The following TMCC1 variants were observed in gnomAD, a reference collection of about 807,000 sequenced individuals.
TMCC1 encodes the protein transmembrane and coiled-coil domain family 1.
In TMCC1, 15 loss-of-function variants were observed where a neutral mutation model predicts 52.4. That is an observed-to-expected ratio of 0.29 (90% CI 0.19 to 0.44). TMCC1 has a LOEUF of 0.44. TMCC1 is among the 20% of genes least tolerant of loss of function. The pLI is 1.00. For synonymous variants in TMCC1, 279 were observed against 301.9 expected, an observed-to-expected ratio of 0.92 and a Z score of 0.79; for missense variants, 503 against 806.0, an observed-to-expected ratio of 0.62 and a Z score of 4.55.
chr3:129,749,913 G>A (rs1022448690), intron 4 of TMCC1, among the ~76,000 whole-genome samples: 1 of 151,960 alleles, frequency 6.6e-6, no homozygotes, highest in Non-Finnish European at 1.5e-5. Flanking sequence ...TACCTACTGG[G>A]CTCCTGTTTT....
intron 4 of TMCC1, among the ~76,000 whole-genome samples, chr3:129,814,079 T>C (rs771437206): frequency 1.8e-4 from 28 of 151,950 alleles, no homozygotes; most frequent in African/African-American, 3.6e-4. Flanking sequence ...AGTTGAGTTA[T>C]AGGCTTGCAT....
intron 2 of TMCC1, among the ~76,000 whole-genome samples, chr3:129,870,976 T>A (rs1254020987): frequency 6.6e-6 from 1 of 152,060 alleles, no homozygotes; most frequent in African/African-American, 2.4e-5. Flanking sequence ...GTTAGCTTTT[T>A]TTTTAACAGC....
At chr3:129,721,587 G>A (rs2049588542) in intron 4 of TMCC1, among the ~76,000 whole-genome samples, 1 of 151,592 alleles carries the variant, frequency 6.6e-6, no homozygotes. Context: ...CAGGCCGGGT[G>A]TAGTGGCTCA....
intron 1 of TMCC1, among the ~76,000 whole-genome samples, chr3:129,889,207 G>A (rs2061854567): frequency 6.6e-6 from 1 of 152,140 alleles, no homozygotes; most frequent in Admixed American, 6.6e-5. Flanking sequence ...AGAGTGTTGA[G>A]GCTGCAGTGA....
Position 129,670,604 on chromosome 3 carries a change from A to G in TMCC1, c.1237T>C (p.Ser413Pro). The G allele has an allele frequency of 6.2e-7, 1 of 1,614,200 alleles. No individual in the cohort carries two copies. Among genetic ancestry groups the G allele is most frequent in the East Asian group, 2.2e-5 (1 of 44,880 alleles). Residue 413 changes from serine to proline, a missense_variant, in exon 5 of 7, where the codon TCT (serine) becomes CCT (proline). This residue lies in a region of TMCC1 where 38 missense variants were observed against 29.8 expected (regional missense o/e 1.28). Transcript: ENST00000393238. Reference sequence around the variant, plus strand: ...TCTTCACTACCATATTTTGGGCTAGACTGAAAGTTTGAAATCACTCCCAAA... The same window carrying G: ...TCTTCACTACCATATTTTGGGCTAGGCTGAAAGTTTGAAATCACTCCCAAA... ...KALGVISNFQSSPKYGSEEDC... is the reference protein window; with the variant it reads ...KALGVISNFQPSPKYGSEEDC...
At chr3:129,815,295 A>C (rs577076949) in intron 4 of TMCC1, among the ~76,000 whole-genome samples, 4 of 152,326 alleles carry the variant, frequency 2.6e-5, no homozygotes, top group Non-Finnish European at 5.9e-5. Context: ...TGAATAGCCA[A>C]AGCAATCCTG....
At chr3:129,818,449 TTAAAGAAA>T (rs2058226778) in intron 4 of TMCC1, among the ~76,000 whole-genome samples, 1 of 142,586 alleles carries the variant, frequency 7.0e-6, no homozygotes, top group African/African-American at 2.6e-5. Context: ...AAGAAAAGTT[TTAAAGAAA>T]CTTTTAAAGA....
chr3:129,671,078 G>A lies in TMCC1; in HGVS notation c.763C>T (p.Arg255Trp). The change falls in exon 5 of 7, where the codon CGG (arginine) becomes TGG (tryptophan). Residue 255 changes from arginine to tryptophan, a missense_variant. By Grantham distance (101) the Arg-to-Trp change is moderately radical (BLOSUM62 -3). Around this residue, in one of 7 missense-constraint regions of TMCC1, gnomAD observed 73 missense variants for 182.9 expected, o/e 0.40. Transcript: ENST00000393238. ...TEQIKIAQTA[R>W]DDNVAEYLKL... is the part of the protein sequence containing the mutation. ...AAGTATTCAGCAACGTTGTCGTCCC[G>A]GGCTGTTTGTGCAATCTTGATTTGT... The A allele has an allele frequency of 6.2e-7, 1 of 1,614,122 alleles. No homozygotes were observed. Among genetic ancestry groups the A allele is most frequent in the Non-Finnish European group, 8.5e-7 (1 of 1,180,036 alleles).
At chr3:129,840,060 G>A (rs1395327475) in intron 2 of TMCC1, among the ~76,000 whole-genome samples, 1 of 150,940 alleles carries the variant, frequency 6.6e-6, no homozygotes, top group African/African-American at 2.4e-5. Context: ...GGGTGTAATG[G>A]CTCACACCTG....
chr3:129,662,988 C>A (rs1270690382), intron 5 of TMCC1, among the ~76,000 whole-genome samples: 1 of 152,130 alleles, frequency 6.6e-6, no homozygotes, highest in Non-Finnish European at 1.5e-5. Flanking sequence ...GGAAGCAAAA[C>A]CTGTTCTATC....
At chr3:129,866,470 C>T (rs1183418060) in intron 2 of TMCC1, among the ~76,000 whole-genome samples, 9 of 149,442 alleles carry the variant, frequency 6.0e-5, no homozygotes, top group African/African-American at 2.0e-4. Flanking sequence ...CTCTGCCTCC[C>T]GGGTTCAAGC....
At chr3:129,838,426 GA>G (rs1292861601) in intron 2 of TMCC1, among the ~76,000 whole-genome samples, 1 of 151,052 alleles carries the variant, frequency 6.6e-6, no homozygotes, top group African/African-American at 2.4e-5. Flanking sequence ...AAAAGAAAAA[GA>G]AAAAAAGAAA....
chr3:129,817,166 A>G (rs1196687946), intron 4 of TMCC1, among the ~76,000 whole-genome samples: 2 of 152,238 alleles, frequency 1.3e-5, no homozygotes, highest in Non-Finnish European at 2.9e-5. Flanking sequence ...TATCAATTTT[A>G]AAAGATAAAA....
intron 4 of TMCC1, among the ~76,000 whole-genome samples, chr3:129,680,698 C>T (rs980245159): frequency 2.0e-5 from 3 of 151,984 alleles, no homozygotes; most frequent in Admixed American, 2.0e-4. Flanking sequence ...GTCAGGAGTT[C>T]GAGACCAGCC....
In TMCC1 at chr3:129,761,699, G is replaced by T. The variant is rs559289148; in HGVS notation, c.576+66104C>A. Among the ~76,000 whole-genome samples, 4 of 152,178 alleles carry T rather than the reference G, an allele frequency of 2.6e-5. No individual in the cohort carries two copies. In the East Asian group the frequency reaches 7.7e-4, roughly 29 times the overall value. On this transcript the variant is annotated intron_variant, in intron 4 of 6. Transcript: ENST00000393238. The stretch of plus-strand genomic sequence containing the variant: ...CTCCAAGAATAGAAATGGGAAAAGA[G>T]TACTAGCAGAGCTGGATGCAGTGGC...
chr3:129,767,096 T>A (rs1340986510), intron 4 of TMCC1, among the ~76,000 whole-genome samples: 1 of 151,656 alleles, frequency 6.6e-6, no homozygotes, highest in Non-Finnish European at 1.5e-5. Flanking sequence ...ACCCTGTCTC[T>A]ACAAAAATAC....
chr3:129,871,768 A>G (rs896152702), intron 2 of TMCC1, among the ~76,000 whole-genome samples: 3 of 152,240 alleles, frequency 2.0e-5, no homozygotes, highest in East Asian at 3.8e-4. Flanking sequence ...AAAAAAGAAA[A>G]AATGTGTAAT....
At chr3:129,866,271 TAA>T (rs1420792814) in intron 2 of TMCC1, among the ~76,000 whole-genome samples, 1 of 139,782 alleles carries the variant, frequency 7.2e-6, no homozygotes, top group African/African-American at 2.6e-5. Context: ...TATACATATA[TAA>T]TATATATACA....
chr3:129,660,075 T>C (rs1258073838), intron 5 of TMCC1, among the ~76,000 whole-genome samples: 2 of 152,210 alleles, frequency 1.3e-5, no homozygotes, highest in Admixed American at 6.5e-5. Flanking sequence ...TTCAAAAAGA[T>C]TGCTTGTTGA....
Sources: allele counts gnomAD v4.1 joint callset (sites outside exome capture counted in the v4.1 genomes callset), GRCh38; gene constraint gnomAD v4.1.1; regional missense constraint gnomAD v4.1.1; transcripts MANE v1.5; gene names NCBI Gene and HGNC (gene_info 2026-07-23, HGNC 2026-07-21).